GABRG2: variants seen among roughly 807,000 people sequenced by gnomAD.
GABRG2 encodes the protein gamma-aminobutyric acid receptor subunit gamma-2.
Under a neutral mutation model 56.4 loss-of-function variants are expected in GABRG2, and 16 were observed. The ratio of observed to expected loss-of-function variants is 0.28; its 90% CI spans 0.19 to 0.43. The LOEUF (loss-of-function observed/expected upper bound fraction) is 0.43. Among genes scored for constraint, GABRG2 ranks in the 20% least tolerant of loss-of-function variants. The pLI is 1.00. For synonymous variants in GABRG2, 208 were observed against 205.5 expected (o/e 1.01, Z -0.10); for missense variants, 327 against 582.7 (o/e 0.56, Z 4.52).
intron 1 of GABRG2, among the ~76,000 whole-genome samples, chr5:162,086,945 T>C (rs932024033): frequency 2.0e-5 from 3 of 152,038 alleles, no homozygotes; most frequent in Non-Finnish European, 2.9e-5. Context: ...GCATTTTCTT[T>C]TGGAAATAAT....
chr5:162,146,429 A>C (rs1346847666), intron 7 of GABRG2, among the ~76,000 whole-genome samples: 1 of 152,124 alleles, frequency 6.6e-6, no homozygotes, highest in East Asian at 1.9e-4. Context: ...TTGTGAGATA[A>C]TAGAAAGTGC....
At position 162,102,666 on chromosome 5, in the gene GABRG2, G is replaced by T. The variant is rs760385319; in HGVS notation, c.632-1223G>T. The T allele has an allele frequency of 5.3e-5, 24 of 449,814 alleles. No homozygotes were observed. Among genetic ancestry groups the T allele is most frequent in the Non-Finnish European group, 9.8e-5 (22 of 223,992 alleles). 27.9% of individuals were successfully genotyped at this position (449,814 alleles called of 1,614,324 possible). ...CCACCTTGGCCTCCAGAGTAGCTGG[G>T]ATTTCAGGCACGCACCACCATACCC... On this transcript the variant is annotated intron_variant, in intron 5 of 9. Transcript: ENST00000639213.
intron 1 of GABRG2, among the ~76,000 whole-genome samples, chr5:162,068,342 G>A (rs1758390239): frequency 6.6e-6 from 1 of 152,056 alleles, no homozygotes; most frequent in Non-Finnish European, 1.5e-5. Flanking sequence ...TTTTAGAGTG[G>A]AAAAGGTAAC....
At chr5:162,097,606 C>T (rs1424429196) in intron 3 of GABRG2, 32 bp from the exon 4 acceptor site, 1 of 1,471,460 alleles carries the variant, frequency 6.8e-7, no homozygotes, top group Non-Finnish European at 9.5e-7. Context: ...TTACTGTGTA[C>T]AAATTTTCTG....
intron 7 of GABRG2, among the ~76,000 whole-genome samples, chr5:162,143,325 A>G (rs1764721847): frequency 2.0e-5 from 3 of 152,144 alleles, no homozygotes; most frequent in South Asian, 4.2e-4. Flanking sequence ...GGAAAAAATT[A>G]TTTTTGAGAA....
At chr5:162,114,609 A>AAATG (rs1445818827) in intron 6 of GABRG2, among the ~76,000 whole-genome samples, 3 of 152,148 alleles carry the variant, frequency 2.0e-5, no homozygotes, top group Non-Finnish European at 4.4e-5. Context: ...ACACTCTAAA[A>AAATG]AATGAATGCT....
intron 7 of GABRG2, among the ~76,000 whole-genome samples, chr5:162,145,097 G>A (rs1173274218): frequency 2.6e-5 from 4 of 152,124 alleles, no homozygotes; most frequent in Non-Finnish European, 4.4e-5. Flanking sequence ...TTAAGCACAC[G>A]CAGACCTTAA....
intron 6 of GABRG2, among the ~76,000 whole-genome samples, chr5:162,123,486 T>C (rs776808532): frequency 1.3e-4 from 19 of 151,890 alleles, no homozygotes; most frequent in Non-Finnish European, 2.8e-4. Context: ...AAAATAATTA[T>C]GCATTCTCAA....
chr5:162,155,132 G>T lies in GABRG2; in HGVS notation c.*1764G>T, dbSNP rs1407785660. The T allele has an allele frequency of 1.3e-5, 2 of 152,520 alleles. No individual in the cohort carries two copies. Among genetic ancestry groups the T allele is most frequent in the Non-Finnish European group, 2.9e-5 (2 of 68,006 alleles). 9.4% of individuals were successfully genotyped at this position (152,520 alleles called of 1,614,324 possible). A position where few individuals can be genotyped will look rare whatever the true frequency, so the allele number is the denominator to read the frequency against. ...TAAAACCATGTAAAGTCATCATCAA[G>T]TCATCTGGATGAATCTTGAAACACA... On this transcript the variant is annotated 3_prime_UTR_variant, in exon 10 of 10. Transcript: ENST00000639213.
At chr5:162,136,052 A>C (rs898919979) in intron 6 of GABRG2, among the ~76,000 whole-genome samples, 1 of 152,200 alleles carries the variant, frequency 6.6e-6, no homozygotes, top group African/African-American at 2.4e-5. Flanking sequence ...TATTGCAAAC[A>C]AGGTCAAAAT....
chr5:162,123,723 GTTA>G (rs987622496), intron 6 of GABRG2, among the ~76,000 whole-genome samples: 6 of 151,794 alleles, frequency 4.0e-5, no homozygotes, highest in African/African-American at 1.5e-4. Flanking sequence ...GAGGACTTGT[GTTA>G]TTATTATTCT....
chr5:162,135,862 T>C (rs985622095), intron 6 of GABRG2, among the ~76,000 whole-genome samples: 2 of 151,642 alleles, frequency 1.3e-5, no homozygotes, highest in Non-Finnish European at 2.9e-5. Context: ...TTAATATGAG[T>C]CCGGGAATAT....
intron 1 of GABRG2, 137 bp downstream of exon 1, chr5:162,068,243 T>C (rs1242852207): frequency 1.4e-6 from 1 of 704,904 alleles, no homozygotes; most frequent in African/African-American, 1.8e-5. Context: ...AGAGAGCGAA[T>C]ATATGGGGCG....
chr5:162,132,743 G>A (rs1171366742), intron 6 of GABRG2, among the ~76,000 whole-genome samples: 1 of 151,910 alleles, frequency 6.6e-6, no homozygotes, highest in African/African-American at 2.4e-5. Flanking sequence ...CTCTTCTGAA[G>A]TGCTGAAACT....
At chr5:162,129,742 C>T (rs1763595718) in intron 6 of GABRG2, among the ~76,000 whole-genome samples, 1 of 151,760 alleles carries the variant, frequency 6.6e-6, no homozygotes, top group African/African-American at 2.4e-5. Flanking sequence ...ATGTTGTATT[C>T]CTTAAATTTC....
At position 162,108,926 on chromosome 5, in the gene GABRG2, C is replaced by T. The variant is rs143228947; in HGVS notation, c.769+4900C>T. Among the ~76,000 whole-genome samples, 164 of 152,230 alleles carry T rather than the reference C, an allele frequency of 1.1e-3. 2 individuals carry two copies. The East Asian group carries it at 0.022, about 20-fold the overall frequency. On this transcript the variant is annotated intron_variant, in intron 6 of 9. Coordinates refer to ENST00000639213, the MANE Select transcript of GABRG2 (RefSeq NM_198904.4). ...TTGGACATTTGGGTTGGTTCCAAGT[C>T]TTTGCTATTGTGAGTAGTGCCACAA...
intron 1 of GABRG2, among the ~76,000 whole-genome samples, chr5:162,079,517 G>A (rs1759476766): frequency 6.6e-6 from 1 of 151,938 alleles, no homozygotes; most frequent in African/African-American, 2.4e-5. Flanking sequence ...TACCCACTAT[G>A]TTGCTAGCAC....
intron 6 of GABRG2, among the ~76,000 whole-genome samples, chr5:162,121,593 G>A (rs191089796): frequency 6.6e-6 from 1 of 151,920 alleles, no homozygotes; most frequent in East Asian, 1.9e-4. Flanking sequence ...CCTAGTACAA[G>A]CTCTTTTTGT....
At chr5:162,149,776 G>C (rs1347448267) in intron 8 of GABRG2, 35 of 382,132 alleles carry the variant, frequency 9.2e-5, no homozygotes, top group Non-Finnish European at 1.8e-4. Flanking sequence ...ACCATGCCTG[G>C]TTAATTTTTG....
Sources: allele counts gnomAD v4.1 joint callset (sites outside exome capture counted in the v4.1 genomes callset), GRCh38; gene constraint gnomAD v4.1.1; transcripts MANE v1.5; gene names NCBI Gene and HGNC (gene_info 2026-07-23, HGNC 2026-07-21).